The following TNFSF4 variants were observed in gnomAD, a reference collection of about 807,000 sequenced individuals.
TNFSF4 encodes the protein TNF superfamily member 4, also known as tumor necrosis factor ligand superfamily member 4.
Under a neutral mutation model 7.3 loss-of-function variants are expected in TNFSF4, and 4 were observed. The ratio of observed to expected loss-of-function variants is 0.55; its 90% CI spans 0.27 to 1.25. The LOEUF (loss-of-function observed/expected upper bound fraction) is 1.25, where lower values mean the gene tolerates loss of function less well. TNFSF4 is among the 50% of genes most tolerant of loss of function. The probability of loss-of-function intolerance (pLI) is 0.12; values close to 1 mark genes in which losing one functional copy is unlikely to be tolerated. For synonymous variants in TNFSF4, 76 were observed against 83.7 expected (o/e 0.91, Z 0.50); for missense variants, 181 against 208.8 (o/e 0.87, Z 0.82).
chr1:173,259,728 C>T, the TNFSF4 span, among the ~76,000 whole-genome samples: 11 of 152,002 alleles, frequency 7.2e-5, no homozygotes, highest in South Asian at 2.1e-4. Context: ...ATAGACCAAG[C>T]GGAGAAAAGA....
chr1:173,243,915 T>C, the TNFSF4 span, among the ~76,000 whole-genome samples: 5 of 152,324 alleles, frequency 3.3e-5, no homozygotes, highest in East Asian at 3.9e-4. Flanking sequence ...TCTGTCACCT[T>C]AGAGTAGGCT....
chr1:173,428,866 G>C, the TNFSF4 span, among the ~76,000 whole-genome samples: 1 of 152,136 alleles, frequency 6.6e-6, no homozygotes, highest in African/African-American at 2.4e-5. Flanking sequence ...TTGTGGCCAG[G>C]CATGGTGGCA....
At chr1:173,323,902 T>C in the TNFSF4 span, among the ~76,000 whole-genome samples, 1 of 152,154 alleles carries the variant, frequency 6.6e-6, no homozygotes, top group African/African-American at 2.4e-5. Flanking sequence ...TACCTGAAAG[T>C]GACAGGGAGA....
chr1:173,399,477 G>T, the TNFSF4 span, among the ~76,000 whole-genome samples: 1 of 152,124 alleles, frequency 6.6e-6, no homozygotes, highest in African/African-American at 2.4e-5. Context: ...GCCAGACATA[G>T]AAGTATACAG....
At chr1:173,407,052 G>A in the TNFSF4 span, among the ~76,000 whole-genome samples, 1 of 152,088 alleles carries the variant, frequency 6.6e-6, no homozygotes, top group Non-Finnish European at 1.5e-5. Flanking sequence ...TGCCTCACTC[G>A]GTGCAGACTG....
At chr1:173,442,656 T>G in the TNFSF4 span, among the ~76,000 whole-genome samples, 3 of 151,084 alleles carry the variant, frequency 2.0e-5, no homozygotes, top group Non-Finnish European at 3.0e-5. Context: ...GTTCAAGTGA[T>G]TCTCCTGCCT....
the TNFSF4 span, among the ~76,000 whole-genome samples, chr1:173,374,430 T>C: frequency 6.6e-6 from 1 of 152,046 alleles, no homozygotes; most frequent in Non-Finnish European, 1.5e-5. Flanking sequence ...AGTGAAATCT[T>C]AGATTCACCA....
the TNFSF4 span, among the ~76,000 whole-genome samples, chr1:173,241,967 T>TAA: frequency 1.3e-5 from 2 of 152,196 alleles, no homozygotes; most frequent in Non-Finnish European, 2.9e-5. Context: ...TAGGGGAACT[T>TAA]ACAGCCAGGC....
chr1:173,404,838 G>C, the TNFSF4 span, among the ~76,000 whole-genome samples: 1 of 151,896 alleles, frequency 6.6e-6, no homozygotes, highest in Middle Eastern at 3.2e-3. Context: ...CACCATGTTG[G>C]CCAAGCTGGT....
chr1:173,391,919 T>C, the TNFSF4 span, among the ~76,000 whole-genome samples: 708 of 152,338 alleles, frequency 4.6e-3, 4 homozygotes, highest in Middle Eastern at 0.01. Flanking sequence ...TAAGCCAGAA[T>C]GCTCAATCAT....
the TNFSF4 span, among the ~76,000 whole-genome samples, chr1:173,448,505 G>A: frequency 1.3e-5 from 2 of 152,236 alleles, no homozygotes; most frequent in East Asian, 1.9e-4. Context: ...GGCTGAGTCC[G>A]AAAAGAGAGT....
At chr1:173,177,480 T>A in the TNFSF4 span, among the ~76,000 whole-genome samples, 3 of 152,140 alleles carry the variant, frequency 2.0e-5, no homozygotes, top group African/African-American at 7.2e-5. Flanking sequence ...ATGGAAAAGC[T>A]ACCTATCGGG....
chr1:173,276,381 G>C, the TNFSF4 span, among the ~76,000 whole-genome samples: 1 of 152,106 alleles, frequency 6.6e-6, no homozygotes, highest in Non-Finnish European at 1.5e-5. Context: ...CACAGTCTCA[G>C]AGTGTACACA....
the TNFSF4 span, among the ~76,000 whole-genome samples, chr1:173,426,302 T>C: frequency 6.6e-6 from 1 of 152,154 alleles, no homozygotes; most frequent in Non-Finnish European, 1.5e-5. Flanking sequence ...TCAGAAAAAT[T>C]TTCTCCCTGT....
chr1:173,266,103 T>G, the TNFSF4 span, among the ~76,000 whole-genome samples: 1 of 151,794 alleles, frequency 6.6e-6, no homozygotes, highest in South Asian at 2.1e-4. Context: ...ATGTAAAGAG[T>G]GTGCAAGAGT....
At chr1:173,372,294 AG>A in the TNFSF4 span, among the ~76,000 whole-genome samples, 325 of 152,316 alleles carry the variant, frequency 2.1e-3, 1 homozygote, top group African/African-American at 7.3e-3. Flanking sequence ...CAAGATGGCC[AG>A]GCCACTCCAT....
At chr1:173,353,583 A>G in the TNFSF4 span, among the ~76,000 whole-genome samples, 1 of 152,226 alleles carries the variant, frequency 6.6e-6, no homozygotes, top group Admixed American at 6.5e-5. Context: ...CCAGAATTTC[A>G]TTTAATAATA....
At chr1:173,273,726 T>C in the TNFSF4 span, among the ~76,000 whole-genome samples, 3 of 152,108 alleles carry the variant, frequency 2.0e-5, no homozygotes, top group Admixed American at 6.6e-5. Context: ...AGGATGAAGA[T>C]AGACTTTCAT....
chr1:173,215,055 G>A, the TNFSF4 span, among the ~76,000 whole-genome samples: 2 of 152,122 alleles, frequency 1.3e-5, no homozygotes, highest in South Asian at 4.1e-4. Context: ...TGGAGATGGA[G>A]CCTTTGGAAA....
Sources: gnomAD v4.1 joint callset for allele counts (sites outside exome capture counted in the v4.1 genomes callset) on GRCh38, gnomAD v4.1.1 for gene constraint, MANE v1.5 for transcripts, NCBI Gene and HGNC (gene_info 2026-07-23, HGNC 2026-07-21) for gene names.